The following CNTN5 variants were observed in gnomAD, a reference collection of about 807,000 sequenced individuals.
CNTN5 encodes contactin 5.
In CNTN5, 77 loss-of-function variants were observed where a neutral mutation model predicts 129.1. That is an observed-to-expected ratio of 0.60 (90% CI 0.50 to 0.72). The LOEUF (loss-of-function observed/expected upper bound fraction) is 0.72. Ranked by LOEUF, CNTN5 falls within the 30% of genes least tolerant of loss-of-function variation. The pLI is 0.00. For synonymous variants in CNTN5, 509 were observed against 465.6 expected (o/e 1.09, Z -1.20); for missense variants, 1,478 against 1,328.8 (o/e 1.11, Z -1.75).
intron 1 of CNTN5, among the ~76,000 whole-genome samples, chr11:99,128,490 G>A (rs1158080004): frequency 6.6e-6 from 1 of 152,188 alleles, no homozygotes; most frequent in Admixed American, 6.5e-5. Flanking sequence ...ATTGTCCTCT[G>A]CCAGGGACAG....
chr11:100,211,475 A>G (rs1489929975), intron 15 of CNTN5, among the ~76,000 whole-genome samples: 1 of 152,062 alleles, frequency 6.6e-6, no homozygotes, highest in Non-Finnish European at 1.5e-5. Context: ...ATATTGGGAA[A>G]AAAAAAAAGT....
intron 9 of CNTN5, among the ~76,000 whole-genome samples, chr11:100,025,159 C>G (rs1246150152): frequency 6.6e-6 from 1 of 152,178 alleles, no homozygotes; most frequent in Non-Finnish European, 1.5e-5. Flanking sequence ...TTTGTGCTGT[C>G]TTAGGACTTG....
At chr11:99,810,222 T>C (rs1225948045) in intron 3 of CNTN5, among the ~76,000 whole-genome samples, 2 of 152,214 alleles carry the variant, frequency 1.3e-5, no homozygotes, top group Non-Finnish European at 2.9e-5. Flanking sequence ...ACTAAGAATT[T>C]ACTATTTAGA....
intron 13 of CNTN5, among the ~76,000 whole-genome samples, chr11:100,165,647 C>T (rs1413640046): frequency 6.6e-6 from 1 of 151,748 alleles, no homozygotes; most frequent in African/African-American, 2.4e-5. Context: ...GTTGAATCAT[C>T]TTCCATCACA....
intron 2 of CNTN5, among the ~76,000 whole-genome samples, chr11:99,397,416 G>A (rs2136202159): frequency 6.6e-6 from 1 of 151,778 alleles, no homozygotes; most frequent in Admixed American, 6.6e-5. Flanking sequence ...ATGCACTTAA[G>A]GAGTGGGCAG....
chr11:99,630,229 G>GGT (rs1951288053), intron 3 of CNTN5, among the ~76,000 whole-genome samples: 2 of 55,146 alleles, frequency 3.6e-5, no homozygotes, highest in African/African-American at 4.7e-5. Flanking sequence ...TTTGCTTATG[G>GGT]ATGTGTGTGT....
At chr11:99,710,567 A>ATGTG (rs71050018) in intron 3 of CNTN5, among the ~76,000 whole-genome samples, 3,177 of 140,480 alleles carry the variant, frequency 0.023, 60 homozygotes, top group African/African-American at 0.055. Flanking sequence ...GTGTGTGTGC[A>ATGTG]TGTGTGTGTG....
At chr11:99,242,352 A>G (rs934851368) in intron 1 of CNTN5, among the ~76,000 whole-genome samples, 1 of 152,138 alleles carries the variant, frequency 6.6e-6, no homozygotes, top group African/African-American at 2.4e-5. Context: ...CTGTTTTTTC[A>G]TTCAAGAGTC....
chr11:99,187,433 T>C (rs1398902456), intron 1 of CNTN5, among the ~76,000 whole-genome samples: 1 of 138,220 alleles, frequency 7.2e-6, no homozygotes, highest in Non-Finnish European at 1.6e-5. Context: ...ATTTGTTATA[T>C]TAATACAAAT....
At chr11:100,029,398 C>T (rs762846453) in intron 9 of CNTN5, among the ~76,000 whole-genome samples, 10 of 151,356 alleles carry the variant, frequency 6.6e-5, no homozygotes, top group Non-Finnish European at 1.0e-4. Flanking sequence ...CTGGCTAAGA[C>T]GGTGAAACCC....
intron 1 of CNTN5, among the ~76,000 whole-genome samples, chr11:99,132,099 G>A (rs375955601): frequency 2.6e-5 from 4 of 151,932 alleles, no homozygotes; most frequent in East Asian, 1.9e-4. Context: ...TTCAACATAC[G>A]CAAATCAGTA....
chr11:99,209,278 A>G (rs994275638), intron 1 of CNTN5, among the ~76,000 whole-genome samples: 4 of 152,274 alleles, frequency 2.6e-5, no homozygotes, highest in South Asian at 2.1e-4. Context: ...CGGGTACTTT[A>G]TAAAGAAAAG....
chr11:99,957,034 G>T (rs780226403), intron 8 of CNTN5, 25 bp downstream of exon 8: 1 of 1,596,454 alleles, frequency 6.3e-7, no homozygotes, highest in Admixed American at 1.7e-5. Flanking sequence ...CCGTTAAAAT[G>T]GTCAGCCAAC....
intron 6 of CNTN5, among the ~76,000 whole-genome samples, chr11:99,898,852 G>C (rs1444294991): frequency 6.6e-6 from 1 of 151,668 alleles, no homozygotes; most frequent in Non-Finnish European, 1.5e-5. Flanking sequence ...TTTATATCCT[G>C]TATTTTTCTC....
At chr11:100,070,340 G>C (rs753842109) in intron 10 of CNTN5, 84 bp from the exon 11 acceptor site, 146 of 1,372,168 alleles carry the variant, frequency 1.1e-4, no homozygotes, top group Non-Finnish European at 1.4e-4. Context: ...AAAAAAATAC[G>C]TTGAATTTTT....
At chr11:99,164,685 G>C (rs1860792265) in intron 1 of CNTN5, among the ~76,000 whole-genome samples, 1 of 151,982 alleles carries the variant, frequency 6.6e-6, no homozygotes, top group African/African-American at 2.4e-5. Context: ...TATTTTCCCT[G>C]ATAATTTTAT....
intron 23 of CNTN5, among the ~76,000 whole-genome samples, chr11:100,343,565 C>T (rs1478382679): frequency 1.3e-5 from 2 of 152,056 alleles, no homozygotes; most frequent in Non-Finnish European, 1.5e-5. Flanking sequence ...GAAAGCTCCT[C>T]CTGACACAAT....
intron 2 of CNTN5, among the ~76,000 whole-genome samples, chr11:99,408,368 A>G (rs79091764): frequency 8.1e-6 from 1 of 123,220 alleles, no homozygotes; most frequent in African/African-American, 3.5e-5. Context: ...CCAGGCTACC[A>G]AAAAAAAAAA....
At chr11:99,352,817 G>C (rs773314868) in intron 2 of CNTN5, among the ~76,000 whole-genome samples, 1 of 152,160 alleles carries the variant, frequency 6.6e-6, no homozygotes, top group African/African-American at 2.4e-5. Flanking sequence ...TGTCCTTGGG[G>C]TCAAGGGCCT....
Sources: gnomAD v4.1 joint callset for allele counts (sites outside exome capture counted in the v4.1 genomes callset) on GRCh38, gnomAD v4.1.1 for gene constraint, MANE v1.5 for transcripts, NCBI Gene and HGNC (gene_info 2026-07-23, HGNC 2026-07-21) for gene names.